The following KCNMA1 variants were observed in gnomAD, a reference collection of about 807,000 sequenced individuals.
The protein encoded by KCNMA1 is potassium calcium-activated channel subfamily M alpha 1.
A neutral mutation model predicts 140.0 loss-of-function variants in KCNMA1; 29 were observed. The ratio of observed to expected loss-of-function variants is 0.21; its 90% confidence interval spans 0.15 to 0.28. KCNMA1 has a LOEUF of 0.28. KCNMA1 is among the 10% of genes least tolerant of loss of function. The pLI is 1.00. For missense variants in KCNMA1, 880 were observed against 1,602.2 expected (o/e 0.55, Z 7.70); for synonymous variants, 612 against 611.9 (o/e 1.00, Z 0.00).
Position 76,946,184 on chromosome 10 carries a change from C to G in KCNMA1, c.2710-1219G>C, listed in dbSNP as rs138146092. Reference sequence around the variant, plus strand: ...GGTTAGGACAGGGCCATGGCCTCCACATGCTCTGTGTCTTCAGGTGAAGCC... The same window carrying G: ...GGTTAGGACAGGGCCATGGCCTCCAGATGCTCTGTGTCTTCAGGTGAAGCC... On this transcript the variant is annotated intron_variant, in intron 22 of 27. Transcript: ENST00000286628. 2.1e-3 allele frequency among the ~76,000 whole-genome samples: 324 copies of G among 152,326 alleles called. 2 individuals carry two copies. The highest frequency in any genetic ancestry group is 0.014 in the Middle Eastern group (4 of 294).
intron 3 of KCNMA1, among the ~76,000 whole-genome samples, chr10:77,200,495 G>C (rs1168455471): frequency 1.3e-5 from 2 of 152,152 alleles, no homozygotes; most frequent in Admixed American, 6.5e-5. Flanking sequence ...GCTGCTGTCA[G>C]AGTTCTTTAG....
At chr10:77,505,294 C>A (rs905361982) in intron 1 of KCNMA1, among the ~76,000 whole-genome samples, 1 of 152,202 alleles carries the variant, frequency 6.6e-6, no homozygotes, top group Admixed American at 6.5e-5. Context: ...CACTGGCAAC[C>A]CTTGGTCACT....
chr10:76,893,345 C>T (rs2041037704), intron 25 of KCNMA1, among the ~76,000 whole-genome samples: 1 of 152,118 alleles, frequency 6.6e-6, no homozygotes, highest in Non-Finnish European at 1.5e-5. Context: ...CTCAACTTTC[C>T]TTTGAATTTT....
intron 1 of KCNMA1, among the ~76,000 whole-genome samples, chr10:77,408,472 G>T (rs556230515): frequency 1.3e-5 from 2 of 151,792 alleles, no homozygotes; most frequent in South Asian, 2.1e-4. Context: ...TTGTGTGCAC[G>T]TGTGAGTGTG....
At chr10:77,125,910 C>T (rs2097721661) in intron 5 of KCNMA1, among the ~76,000 whole-genome samples, 1 of 152,150 alleles carries the variant, frequency 6.6e-6, no homozygotes, top group Non-Finnish European at 1.5e-5. Context: ...AGAAGCCCTG[C>T]GGGGTCCCCT....
At chr10:77,022,641 T>C (rs373179063) in intron 16 of KCNMA1, among the ~76,000 whole-genome samples, 7 of 152,346 alleles carry the variant, frequency 4.6e-5, no homozygotes, top group East Asian at 1.9e-4. Context: ...TTGAGTTTCC[T>C]GGAGTAGCAG....
intron 1 of KCNMA1, among the ~76,000 whole-genome samples, chr10:77,422,072 C>A (rs1039939449): frequency 6.6e-6 from 1 of 152,198 alleles, no homozygotes; most frequent in East Asian, 1.9e-4. Flanking sequence ...AGTCAAGGAA[C>A]CTGTTCAACA....
rs1163075445 is a variant in KCNMA1 at position 77,637,586 on chromosome 10, TCCGCCGCCGCCGCCGCCGCCGCTGCTG to T, written c.30_56del (p.Ser11_Gly19del). 42 of 1,524,764 alleles carry T rather than the reference TCCGCCGCCGCCGCCGCCGCCGCTGCTG, an allele frequency of 2.8e-5. No homozygotes were observed. The highest frequency in any genetic ancestry group is 9.7e-5 in the South Asian group (8 of 82,742). The allele number at this position is 1,524,764 out of a possible 1,614,324, so 94.5% of individuals were successfully genotyped here. ...TGCTACTCATTCTAAGACTGCTGCC[TCCGCCGCCGCCGCCGCCGCCGCTGCTG>T]CCGCCGCCGCCGCCGCCACCATTTG... On this transcript the variant is annotated inframe_deletion, in exon 1 of 28. Coordinates refer to ENST00000286628, the MANE Select transcript of KCNMA1 (RefSeq NM_001161352.2).
chr10:77,567,667 G>T (rs2068865705), intron 1 of KCNMA1, among the ~76,000 whole-genome samples: 2 of 152,168 alleles, frequency 1.3e-5, no homozygotes, highest in Non-Finnish European at 2.9e-5. Context: ...TACACAAGAG[G>T]ATCCAAGGGG....
intron 1 of KCNMA1, among the ~76,000 whole-genome samples, chr10:77,560,768 C>G (rs547880264): frequency 2.0e-5 from 3 of 152,226 alleles, no homozygotes; most frequent in Non-Finnish European, 4.4e-5. Flanking sequence ...ATCCCCCATT[C>G]CCACAGCCTG....
chr10:77,295,463 A>G (rs553205764), intron 2 of KCNMA1, among the ~76,000 whole-genome samples: 3 of 152,070 alleles, frequency 2.0e-5, no homozygotes, highest in Non-Finnish European at 4.4e-5. Flanking sequence ...ATTCTCACTG[A>G]AAGTGTACAC....
At chr10:77,140,921 G>A (rs1174012812) in intron 5 of KCNMA1, among the ~76,000 whole-genome samples, 1 of 152,192 alleles carries the variant, frequency 6.6e-6, no homozygotes, top group Non-Finnish European at 1.5e-5. Flanking sequence ...AAGTGGTATA[G>A]AATAGAGTGT....
intron 1 of KCNMA1, among the ~76,000 whole-genome samples, chr10:77,580,388 A>C: frequency 6.6e-6 from 1 of 152,150 alleles, no homozygotes; most frequent in Non-Finnish European, 1.5e-5. Flanking sequence ...CTCAAAAAAA[A>C]AAAAAAAAAG....
intron 5 of KCNMA1, chr10:77,150,088 G>T (rs2098391086): frequency 6.6e-6 from 1 of 152,124 alleles, no homozygotes; most frequent in Non-Finnish European, 1.5e-5. Context: ...AATAAAGTGG[G>T]TCTACTACTT....
At chr10:77,557,350 C>T (rs1460828310) in intron 1 of KCNMA1, among the ~76,000 whole-genome samples, 2 of 152,202 alleles carry the variant, frequency 1.3e-5, no homozygotes, top group Admixed American at 1.3e-4. Context: ...AGGGCGTGCC[C>T]TGGGCATAAA....
At chr10:77,151,236 T>C (rs2098413272) in intron 5 of KCNMA1, among the ~76,000 whole-genome samples, 1 of 151,654 alleles carries the variant, frequency 6.6e-6, no homozygotes, top group Non-Finnish European at 1.5e-5. Context: ...TTCTTTCTCT[T>C]TCTTCCTTTC....
At chr10:77,264,192 A>G (rs2062792992) in intron 2 of KCNMA1, among the ~76,000 whole-genome samples, 2 of 152,080 alleles carry the variant, frequency 1.3e-5, no homozygotes, top group African/African-American at 4.8e-5. Flanking sequence ...GCTTCCTACA[A>G]TGGTCTCACC....
At chr10:76,941,067 GAAAA>G (rs1491365562) in intron 23 of KCNMA1, among the ~76,000 whole-genome samples, 30 of 79,404 alleles carry the variant, frequency 3.8e-4, no homozygotes, top group African/African-American at 1.3e-3. Context: ...AAGAAAGAAA[GAAAA>G]AGAAAGAAAG....
At chr10:77,521,647 G>A (rs1021534827) in intron 1 of KCNMA1, among the ~76,000 whole-genome samples, 4 of 152,202 alleles carry the variant, frequency 2.6e-5, no homozygotes, top group East Asian at 1.9e-4. Context: ...GCACATAGAA[G>A]TTCCCTGAAA....
Sources: gnomAD v4.1 joint callset for allele counts (sites outside exome capture counted in the v4.1 genomes callset) on GRCh38, gnomAD v4.1.1 for gene constraint, MANE v1.5 for transcripts, NCBI Gene and HGNC (gene_info 2026-07-23, HGNC 2026-07-21) for gene names.